Variants in LOC128706665 observed in about 807,000 individuals in gnomAD.
the LOC128706665 span, among the ~76,000 whole-genome samples, chr20:10,416,703 A>G: frequency 1.3e-5 from 2 of 152,216 alleles, no homozygotes; most frequent in South Asian, 4.1e-4. Context: ...CCAGCTAATA[A>G]ATGGAGAAGG....
At chr20:10,427,314 T>C in the LOC128706665 span, among the ~76,000 whole-genome samples, 1 of 152,220 alleles carries the variant, frequency 6.6e-6, no homozygotes, top group African/African-American at 2.4e-5. Flanking sequence ...TTGGACACAG[T>C]GTAAAACGGA....
the LOC128706665 span, among the ~76,000 whole-genome samples, chr20:10,426,851 C>T: frequency 3.3e-5 from 5 of 152,086 alleles, no homozygotes; most frequent in African/African-American, 7.2e-5. Flanking sequence ...AAAACACATC[C>T]GTGACCTACT....
chr20:10,424,760 T>C, the LOC128706665 span, among the ~76,000 whole-genome samples: 1 of 152,066 alleles, frequency 6.6e-6, no homozygotes. Flanking sequence ...TTTTACAAAA[T>C]GAAAATTAGA....
the LOC128706665 span, among the ~76,000 whole-genome samples, chr20:10,424,869 T>C: frequency 2.0e-5 from 3 of 151,990 alleles, no homozygotes; most frequent in Admixed American, 2.0e-4. Context: ...CTGGCCAACA[T>C]GGTGAAACCC....
the LOC128706665 span, among the ~76,000 whole-genome samples, chr20:10,423,547 G>A: frequency 1.3e-5 from 2 of 152,164 alleles, no homozygotes; most frequent in Non-Finnish European, 2.9e-5. Context: ...ACTAATGTTT[G>A]GGGAAGTGTT....
chr20:10,421,491 G>A, the LOC128706665 span, among the ~76,000 whole-genome samples: 3 of 151,676 alleles, frequency 2.0e-5, no homozygotes, highest in Non-Finnish European at 2.9e-5. Context: ...CAAATATGCA[G>A]TAAGAATTTA....
chr20:10,427,689 G>A, the LOC128706665 span, among the ~76,000 whole-genome samples: 4 of 152,126 alleles, frequency 2.6e-5, no homozygotes, highest in Admixed American at 6.6e-5. Flanking sequence ...GAACTGACAT[G>A]GTAAACAGAA....
the LOC128706665 span, among the ~76,000 whole-genome samples, chr20:10,428,564 C>T: frequency 0.015 from 2,231 of 152,228 alleles, 34 homozygotes; most frequent in Non-Finnish European, 0.021. Flanking sequence ...TTCAGCTGGG[C>T]GCGGTGGCTC....
At chr20:10,433,804 A>G in the LOC128706665 span, among the ~76,000 whole-genome samples, 1 of 152,118 alleles carries the variant, frequency 6.6e-6, no homozygotes, top group African/African-American at 2.4e-5. Context: ...TTCGGCGTAG[A>G]AGGCGGCAGC....
the LOC128706665 span, among the ~76,000 whole-genome samples, chr20:10,431,124 A>G: frequency 6.6e-6 from 1 of 152,186 alleles, no homozygotes; most frequent in Non-Finnish European, 1.5e-5. Context: ...GGCAGCCATT[A>G]CTTTTATTGG....
At chr20:10,421,292 C>T in the LOC128706665 span, among the ~76,000 whole-genome samples, 322 of 151,732 alleles carry the variant, frequency 2.1e-3, 2 homozygotes, top group African/African-American at 6.6e-3. Flanking sequence ...GATATGGTGG[C>T]GCATGCCTGT....
At chr20:10,430,615 A>C in the LOC128706665 span, among the ~76,000 whole-genome samples, 3 of 152,294 alleles carry the variant, frequency 2.0e-5, no homozygotes, top group African/African-American at 7.2e-5. Context: ...TAAGAATAAA[A>C]ATACCCAGTC....
At chr20:10,413,985 GA>G in the LOC128706665 span, 2 of 399,308 alleles carry the variant, frequency 5.0e-6, no homozygotes, top group Non-Finnish European at 8.8e-6. Context: ...GCAGTTTGTA[GA>G]CTGCAGTTTA....
At chr20:10,426,889 A>G in the LOC128706665 span, among the ~76,000 whole-genome samples, 1 of 152,200 alleles carries the variant, frequency 6.6e-6, no homozygotes, top group Non-Finnish European at 1.5e-5. Context: ...GGGTTAGTTC[A>G]GTTTTCTTTA....
chr20:10,413,780 A>C, the LOC128706665 span: 1 of 585,492 alleles, frequency 1.7e-6, no homozygotes, highest in Non-Finnish European at 3.0e-6. Context: ...GAAATTTTAC[A>C]GACTGCTTTG....
At chr20:10,424,670 A>G in the LOC128706665 span, among the ~76,000 whole-genome samples, 1 of 152,206 alleles carries the variant, frequency 6.6e-6, no homozygotes, top group Non-Finnish European at 1.5e-5. Flanking sequence ...ACTCTTGCAG[A>G]GCTTTTACTT....
the LOC128706665 span, among the ~76,000 whole-genome samples, chr20:10,430,709 A>G: frequency 6.6e-6 from 1 of 152,216 alleles, no homozygotes; most frequent in South Asian, 2.1e-4. Context: ...TAGGACAGAT[A>G]ACTGTCAAGC....
chr20:10,427,031 C>CACACACACAGACACACACACAG, the LOC128706665 span, among the ~76,000 whole-genome samples: 1 of 29,740 alleles, frequency 3.4e-5, no homozygotes, highest in African/African-American at 7.5e-5. Context: ...AAAACACTGA[C>CACACACACAGACACACACACAG]ACACACACAC....
the LOC128706665 span, among the ~76,000 whole-genome samples, chr20:10,419,075 T>C: frequency 6.6e-6 from 1 of 152,128 alleles, no homozygotes; most frequent in African/African-American, 2.4e-5. Context: ...AAAATATTGT[T>C]GAAACCAGTA....
Sources: allele counts gnomAD v4.1 joint callset (sites outside exome capture counted in the v4.1 genomes callset), GRCh38; gene constraint gnomAD v4.1.1; transcripts MANE v1.5.